The following C2CD2L variants were observed in gnomAD, a reference collection of about 807,000 sequenced individuals.
C2CD2L encodes C2CD2 like.
In C2CD2L, 24 loss-of-function variants were observed where a neutral mutation model predicts 69.9. The ratio of observed to expected loss-of-function variants is 0.34; its 90% confidence interval spans 0.25 to 0.48. The LOEUF is 0.48. Among genes scored for constraint, C2CD2L ranks in the 20% least tolerant of loss-of-function variants. The probability of loss-of-function intolerance (pLI) is 0.99; values close to 1 mark genes in which losing one functional copy is unlikely to be tolerated. For missense variants in C2CD2L, 811 were observed against 941.5 expected (o/e 0.86, Z 1.81); for synonymous variants, 367 against 391.0 (o/e 0.94, Z 0.72).
At chr11:119,102,522 T>C, upstream of C2CD2L, 1 of 364,442 alleles carries the variant, frequency 2.7e-6, no homozygotes, top group Non-Finnish European at 5.5e-6. Context: ...ACCCACCTTC[T>C]GCCCCAGCTG....
rs963425575 is a variant in C2CD2L at position 119,118,431 on chromosome 11, T to A, written c.*2175T>A. On this transcript the variant is annotated 3_prime_UTR_variant, in exon 14 of 14. Coordinates refer to ENST00000648610, the MANE Select transcript of C2CD2L (RefSeq NM_001290474.2). ...TGCTGGAAAACACATGATTTCATTC[T>A]TTTTTATGGCTGAGTAGTATTCCAC... 1.3e-5 allele frequency: 2 copies of A among 152,290 alleles called. No individual in the cohort carries two copies. Among genetic ancestry groups the A allele is most frequent in the Non-Finnish European group, 2.9e-5 (2 of 68,048 alleles). The allele number at this position is 152,290 out of a possible 1,614,324, so 9.4% of individuals were successfully genotyped here.
chr11:119,103,048 C>A (rs538353386), upstream of C2CD2L, among the ~76,000 whole-genome samples: 13 of 151,802 alleles, frequency 8.6e-5, no homozygotes, highest in Non-Finnish European at 1.3e-4. Flanking sequence ...TGCGCCACCA[C>A]GCCCGGCTAA....
chr11:119,110,397 A>G lies in C2CD2L; in HGVS notation c.451-164A>G, dbSNP rs911080339. On this transcript the variant is annotated intron_variant, in intron 2 of 13. Transcript: ENST00000648610. The surrounding 1 kb of genome is among the most constrained non-coding windows in gnomAD (Gnocchi z 5.7). ...TGTTTATATGCATTTTTCTGGGGAGAGGAGTCTTTGGCATTTATCTGATTC... is the reference window on the plus strand; with the variant it reads ...TGTTTATATGCATTTTTCTGGGGAGGGGAGTCTTTGGCATTTATCTGATTC... Among the ~76,000 whole-genome samples the G allele has an allele frequency of 6.6e-6, 1 of 152,120 alleles. No individual in the cohort carries two copies. Among genetic ancestry groups the G allele is most frequent in the Non-Finnish European group, 1.5e-5 (1 of 68,020 alleles).
chr11:119,111,582 G>C lies in C2CD2L; in HGVS notation c.972G>C (p.Lys324Asn), dbSNP rs1426835632. 6.2e-7 allele frequency: 1 copy of C among 1,614,020 alleles called. No individual in the cohort carries two copies. Among genetic ancestry groups the C allele is most frequent in the African/African-American group, 1.3e-5 (1 of 74,962 alleles). The change falls in exon 7 of 14, where the codon AAG (lysine) becomes AAC (asparagine). Residue 324 changes from lysine to asparagine, a missense_variant. Coordinates refer to ENST00000648610, the MANE Select transcript of C2CD2L (RefSeq NM_001290474.2). ...LDNPMQQKWTKPARAGSEVEW... is the reference protein window; with the variant it reads ...LDNPMQQKWTNPARAGSEVEW... ...ACCCCATGCAGCAGAAGTGGACCAA[G>C]CCCGCGAGGGCTGGATCCGAGGTGG...
At chr11:119,103,358 A>G (rs1235662106), upstream of C2CD2L, among the ~76,000 whole-genome samples, 2 of 152,180 alleles carry the variant, frequency 1.3e-5, no homozygotes, top group Non-Finnish European at 2.9e-5. Flanking sequence ...AGTCAGGGTC[A>G]TGTTGACCGT....
intron 13 of C2CD2L, 47 bp from the exon 14 acceptor site, chr11:119,115,998 C>G: frequency 6.5e-7 from 1 of 1,538,714 alleles, no homozygotes; most frequent in Non-Finnish European, 8.9e-7. Context: ...CCCGTCTCAC[C>G]CCACCCCGTG....
chr11:119,111,324 G>C lies in C2CD2L; in HGVS notation c.860G>C (p.Arg287Pro), dbSNP rs761879735. The C allele has an allele frequency of 3.7e-6, 6 of 1,614,204 alleles. No individual in the cohort carries two copies. Among genetic ancestry groups the C allele is most frequent in the Non-Finnish European group, 5.1e-6 (6 of 1,180,030 alleles). ...QAQPAIPRPN[R>P]LFLRQLRASH... ...CAGCCAGCCATCCCCAGACCTAACC[G>C]GTTATTCCTACGGCAGCTTCGGGCA... The change falls in exon 6 of 14, where the codon CGG becomes CCG. Residue 287 changes from arginine to proline, a missense_variant. Coordinates refer to ENST00000648610, the MANE Select transcript of C2CD2L (RefSeq NM_001290474.2).
chr11:119,104,902 CTT>C (rs972003272), upstream of C2CD2L, among the ~76,000 whole-genome samples: 190 of 152,316 alleles, frequency 1.2e-3, no homozygotes, highest in African/African-American at 4.5e-3. Context: ...CTGAATCACT[CTT>C]TTTCCTTTTC....
Position 119,116,084 on chromosome 11 carries a change from G to A in C2CD2L, c.1949G>A (p.Arg650Gln), listed in dbSNP as rs553297566. 9 of 1,613,852 alleles carry A rather than the reference G, an allele frequency of 5.6e-6. No individual in the cohort carries two copies. The highest frequency in any genetic ancestry group is 4.4e-5 in the South Asian group (4 of 91,078). Residue 650 changes from arginine to glutamine, a missense_variant, in exon 14 of 14, where the codon CGG (arginine) becomes CAG (glutamine). Transcript: ENST00000648610. ...LRSGTKLIFRRRPRQKEAGLS... is the reference protein window; with the variant it reads ...LRSGTKLIFRQRPRQKEAGLS... ...AGCGGCACTAAGCTCATCTTCCGCC[G>A]GAGGCCTAGGCAGAAGGAAGCTGGC...
chr11:119,108,343 C>G (rs1003363601), intron 1 of C2CD2L: 6 of 455,134 alleles, frequency 1.3e-5, no homozygotes, highest in Non-Finnish European at 2.3e-5. Flanking sequence ...AGTTGCTGTT[C>G]TCATAGCAAC....
Position 119,112,772 on chromosome 11 carries a change from C to T in C2CD2L, c.1285C>T (p.Pro429Ser), listed in dbSNP as rs1946784346. ...CTCCACTCCACGCCCCAGCATCACA[C>T]CTACCAAGAAGATTGAGCTTGACCG... ...TSSTPRPSIT[P>S]TKKIELDRTI... The change falls in exon 10 of 14, where the codon CCT (proline) becomes TCT (serine). Residue 429 changes from proline (P) to serine (S), a missense_variant. Transcript: ENST00000648610. 6.2e-7 allele frequency: 1 copy of T among 1,613,988 alleles called. No individual in the cohort carries two copies. Among genetic ancestry groups the T allele is most frequent in the Admixed American group, 1.7e-5 (1 of 59,992 alleles).
chr11:119,108,995 G>A (rs188311672), intron 1 of C2CD2L, among the ~76,000 whole-genome samples: 12 of 152,312 alleles, frequency 7.9e-5, no homozygotes, highest in Admixed American at 5.9e-4. Context: ...CAGCTGGCTG[G>A]CTAAAAGCCA....
Position 119,114,079 on chromosome 11 carries a change from G to A in C2CD2L, c.1624-1G>A. Reference sequence around the variant, plus strand: ...CCATTAAAACCCGTCCCTCCTGCCAGGTGCCCATTGCTCAGGACGAGTTGG... The same window carrying A: ...CCATTAAAACCCGTCCCTCCTGCCAAGTGCCCATTGCTCAGGACGAGTTGG... On this transcript the variant is annotated splice_acceptor_variant, in intron 12 of 13. Transcript: ENST00000648610. LOFTEE classifies it high-confidence loss of function. This position sits in a 1 kb window ranked among gnomAD's most constrained non-coding sequence, Gnocchi z 5.1. The A allele has an allele frequency of 1.2e-6, 2 of 1,614,072 alleles. No individual in the cohort carries two copies. The highest frequency in any genetic ancestry group is 1.7e-6 in the Non-Finnish European group (2 of 1,179,950).
chr11:119,112,754 C>T lies in C2CD2L; in HGVS notation c.1267C>T (p.Pro423Ser), dbSNP rs773933044. ...CCTGGGTACTCCCACCTCCTCCACT[C>T]CACGCCCCAGCATCACACCTACCAA... ...RNLGTPTSSTPRPSITPTKKI... is the reference protein window; with the variant it reads ...RNLGTPTSSTSRPSITPTKKI... Residue 423 changes from proline (P) to serine (S), a missense_variant, in exon 10 of 14, where the codon CCA becomes TCA. Physicochemically the swap from Pro to Ser is moderately conservative, Grantham distance 74. Coordinates refer to ENST00000648610, the MANE Select transcript of C2CD2L (RefSeq NM_001290474.2). 6.2e-7 allele frequency: 1 copy of T among 1,613,956 alleles called. No homozygotes were observed. Among genetic ancestry groups the T allele is most frequent in the African/African-American group, 1.3e-5 (1 of 74,906 alleles).
chr11:119,108,215 C>T (rs1363577501), intron 1 of C2CD2L, 120 bp downstream of exon 1: 5 of 609,278 alleles, frequency 8.2e-6, no homozygotes, highest in Middle Eastern at 3.0e-4. Flanking sequence ...TATGGCTTCT[C>T]TTCCCCTCCC....
intron 13 of C2CD2L, 196 bp from the exon 14 acceptor site, chr11:119,115,849 G>C (rs888351705): frequency 8.4e-5 from 50 of 597,802 alleles, no homozygotes; most frequent in African/African-American, 1.3e-4. Flanking sequence ...TTCTGCTTTC[G>C]TTTTCTTTTT....
upstream of C2CD2L, among the ~76,000 whole-genome samples, chr11:119,105,336 T>C (rs1271882596): frequency 6.6e-6 from 1 of 152,042 alleles, no homozygotes; most frequent in Non-Finnish European, 1.5e-5. Flanking sequence ...GTCTAAGTAA[T>C]GGAAGAAAGA....
chr11:119,107,482 G>A lies in C2CD2L; in HGVS notation c.-260G>A. On this transcript the variant is annotated 5_prime_UTR_variant, in exon 1 of 14. Transcript: ENST00000648610. This position sits in a 1 kb window ranked among gnomAD's most constrained non-coding sequence, Gnocchi z 5.4. ...TGGGAGGAGTCGGGCACTGGCCGGC[G>A]ACTAACGGGTCCGACTGCTGACCAA... The A allele has an allele frequency of 8.8e-6, 3 of 340,592 alleles. No individual in the cohort carries two copies. Among genetic ancestry groups the A allele is most frequent in the Admixed American group, 4.8e-5 (1 of 20,664 alleles). The allele number at this position is 340,592 out of a possible 1,614,324, so 21.1% of individuals were successfully genotyped here.
upstream of C2CD2L, among the ~76,000 whole-genome samples, chr11:119,105,870 G>T (rs1171832568): frequency 6.6e-6 from 1 of 152,168 alleles, no homozygotes; most frequent in South Asian, 2.1e-4. Context: ...CATAGGGAAA[G>T]CTTCTACCTG....
Sources: gnomAD v4.1 joint callset for allele counts (sites outside exome capture counted in the v4.1 genomes callset) on GRCh38, gnomAD v4.1.1 for gene constraint, Gnocchi (gnomAD v3.1) non-coding constraint, MANE v1.5 for transcripts, NCBI Gene and HGNC (gene_info 2026-07-23, HGNC 2026-07-21) for gene names.